The following FHOD3 variants were observed in gnomAD, a reference collection of about 807,000 sequenced individuals.
FHOD3 encodes formin homology 2 domain containing 3.
FHOD3 carries 90 observed loss-of-function variants against 173.0 expected under a neutral mutation model. The observed-to-expected ratio is 0.52, with a 90% CI of 0.44 to 0.62. The LOEUF (loss-of-function observed/expected upper bound fraction) is 0.62, where lower values mean the gene tolerates loss of function less well. Among genes scored for constraint, FHOD3 ranks in the 20% least tolerant of loss-of-function variants. The probability of loss-of-function intolerance (pLI) is 0.00; values close to 1 mark genes in which losing one functional copy is unlikely to be tolerated. For synonymous variants in FHOD3, 828 were observed against 823.0 expected, an observed-to-expected ratio of 1.01 and a Z score of -0.10; for missense variants, 1,945 against 2,034.7, an observed-to-expected ratio of 0.96 and a Z score of 0.85.
In FHOD3 at chr18:36,693,563, G is replaced by C. The variant is rs139024457; in HGVS notation, c.2236+140G>C. ...CACTTTGTTGGGGGAGGGGGGTTGT[G>C]ACTGCAACTGCCTGGTCACTAACAA... On this transcript the variant is annotated intron_variant, in intron 17 of 28. Transcript: ENST00000590592. 322 of 762,036 alleles carry C rather than the reference G, an allele frequency of 4.2e-4. 3 individuals are homozygous for C. The East Asian group carries it at 7.8e-3, about 18-fold the overall frequency. The allele number at this position is 762,036 out of a possible 1,614,324, so 47.2% of individuals were successfully genotyped here. A position where few individuals can be genotyped will look rare whatever the true frequency, so the allele number is the denominator to read the frequency against.
chr18:36,576,577 C>T lies in FHOD3; in HGVS notation c.606+32C>T. On this transcript the variant is annotated intron_variant, in intron 6 of 28. Transcript: ENST00000590592. ...GGAAGTTATGGTTGACTGTTTTGTT[C>T]ACTTGTCATATCACTTGCCTTTCTT... 4 of 1,519,558 alleles carry T rather than the reference C, an allele frequency of 2.6e-6. No individual in the cohort carries two copies. The South Asian group carries it at 3.5e-5, about 13-fold the overall frequency. The allele number at this position is 1,519,558 out of a possible 1,614,324, so 94.1% of individuals were successfully genotyped here.
chr18:36,661,699 T>G (rs1453080351), intron 14 of FHOD3, among the ~76,000 whole-genome samples: 1 of 152,198 alleles, frequency 6.6e-6, no homozygotes, highest in African/African-American at 2.4e-5. Context: ...ACAAGTATAT[T>G]CATGTGTTAG....
intron 3 of FHOD3, among the ~76,000 whole-genome samples, chr18:36,498,393 A>G (rs1055741814): frequency 2.0e-5 from 3 of 152,176 alleles, no homozygotes; most frequent in Non-Finnish European, 4.4e-5. Context: ...TCAATAGCTG[A>G]TTCTTGAAAA....
intron 19 of FHOD3, among the ~76,000 whole-genome samples, chr18:36,727,059 T>C (rs1279310731): frequency 6.6e-6 from 1 of 151,898 alleles, no homozygotes; most frequent in Non-Finnish European, 1.5e-5. Flanking sequence ...AGTGCTGGGC[T>C]GCTCTGAGAA....
chr18:36,416,743 T>A (rs1309651832), intron 3 of FHOD3, among the ~76,000 whole-genome samples: 2 of 152,076 alleles, frequency 1.3e-5, no homozygotes, highest in Non-Finnish European at 2.9e-5. Context: ...TGCAGGGTGA[T>A]CTTTCTGAAA....
chr18:36,718,611 C>A lies in FHOD3; in HGVS notation c.3313C>A (p.Arg1105Ser), dbSNP rs190397321. The change falls in exon 19 of 29, where the codon CGC becomes AGC. Residue 1105 changes from arginine to serine, a missense_variant. Arg to Ser is a moderately radical substitution (Grantham distance 110). Around this residue, in one of 5 missense-constraint regions of FHOD3, gnomAD observed 231 missense variants for 321.9 expected, o/e 0.72. Coordinates refer to ENST00000590592, the MANE Select transcript of FHOD3 (RefSeq NM_001281740.3). ...TGACTGGCCATGTAAAAACAACCGA[C>A]GCTGCAGAGAATTCCTGTGGTCAAA... ...PFDWPCKNNR[R>S]CREFLWSKLE... 1.2e-6 allele frequency: 2 copies of A among 1,613,994 alleles called. No individual in the cohort carries two copies. The highest frequency in any genetic ancestry group is 1.7e-6 in the Non-Finnish European group (2 of 1,180,040).
At chr18:36,481,125 C>G (rs1210595151) in intron 3 of FHOD3, among the ~76,000 whole-genome samples, 1 of 145,762 alleles carries the variant, frequency 6.9e-6, no homozygotes, top group Non-Finnish European at 1.5e-5. Flanking sequence ...TAATTTCCCT[C>G]AGCTTTTCTC....
At chr18:36,401,822 C>G (rs778323830) in intron 3 of FHOD3, among the ~76,000 whole-genome samples, 3 of 152,204 alleles carry the variant, frequency 2.0e-5, no homozygotes, top group Non-Finnish European at 2.9e-5. Context: ...GCCGTCATTA[C>G]TGGCTAAGCA....
At chr18:36,590,054 C>G (rs758893482) in intron 6 of FHOD3, among the ~76,000 whole-genome samples, 2 of 152,120 alleles carry the variant, frequency 1.3e-5, no homozygotes, top group Non-Finnish European at 2.9e-5. Flanking sequence ...GCAGCTTGTT[C>G]CACTCGCCTC....
At chr18:36,767,361 C>T (rs2043185207) in intron 27 of FHOD3, among the ~76,000 whole-genome samples, 1 of 152,094 alleles carries the variant, frequency 6.6e-6, no homozygotes, top group African/African-American at 2.4e-5. Flanking sequence ...ACTTTGTTGC[C>T]CAGGCTGGAG....
chr18:36,371,857 T>C (rs1451960943), intron 2 of FHOD3, among the ~76,000 whole-genome samples: 1 of 152,216 alleles, frequency 6.6e-6, no homozygotes, highest in Non-Finnish European at 1.5e-5. Context: ...CCTGCCACAC[T>C]ACCTGCTGCC....
chr18:36,300,341 G>A (rs921943798), intron 1 of FHOD3, among the ~76,000 whole-genome samples: 1 of 152,196 alleles, frequency 6.6e-6, no homozygotes, highest in African/African-American at 2.4e-5. Context: ...GGGTTCACCC[G>A]GTCACCTTCA....
chr18:36,700,799 C>A (rs1268319097), intron 17 of FHOD3, among the ~76,000 whole-genome samples: 4 of 152,012 alleles, frequency 2.6e-5, no homozygotes, highest in Admixed American at 2.0e-4. Context: ...CACCCCCCAA[C>A]AAATGTTATG....
chr18:36,337,229 A>T (rs2145369673), intron 1 of FHOD3, among the ~76,000 whole-genome samples: 1 of 152,232 alleles, frequency 6.6e-6, no homozygotes, highest in East Asian at 1.9e-4. Context: ...CCAGACTCAC[A>T]AATGAGCTAA....
At chr18:36,350,453 C>T (rs879704907) in intron 1 of FHOD3, among the ~76,000 whole-genome samples, 3 of 152,212 alleles carry the variant, frequency 2.0e-5, no homozygotes, top group Admixed American at 1.3e-4. Flanking sequence ...TATCTTCCCC[C>T]ATGGCTCCTG....
At chr18:36,583,703 A>G (rs1007500062) in intron 6 of FHOD3, among the ~76,000 whole-genome samples, 1 of 152,174 alleles carries the variant, frequency 6.6e-6, no homozygotes, top group Non-Finnish European at 1.5e-5. Flanking sequence ...GTGGCTGCCA[A>G]ATCCCTTTGT....
intron 17 of FHOD3, among the ~76,000 whole-genome samples, chr18:36,699,893 G>A (rs1006508822): frequency 6.6e-5 from 10 of 152,070 alleles, no homozygotes; most frequent in African/African-American, 1.4e-4. Flanking sequence ...CAGATACATC[G>A]GGAAGTTCAA....
intron 17 of FHOD3, among the ~76,000 whole-genome samples, chr18:36,705,491 C>A (rs967348346): frequency 6.6e-6 from 1 of 152,314 alleles, no homozygotes; most frequent in South Asian, 2.1e-4. Flanking sequence ...ATCACTCTTA[C>A]AAAAGTATTT....
At chr18:36,430,502 C>T (rs1156245189) in intron 3 of FHOD3, among the ~76,000 whole-genome samples, 1 of 152,226 alleles carries the variant, frequency 6.6e-6, no homozygotes, top group Non-Finnish European at 1.5e-5. Context: ...CAGGCGTGAG[C>T]CACCGTGCCC....
Sources: allele counts gnomAD v4.1 joint callset (sites outside exome capture counted in the v4.1 genomes callset), GRCh38; gene constraint gnomAD v4.1.1; regional missense constraint gnomAD v4.1.1; transcripts MANE v1.5; gene names NCBI Gene and HGNC (gene_info 2026-07-23, HGNC 2026-07-21).